The following ANKRD16 variants were observed in gnomAD, a reference collection of about 807,000 sequenced individuals.
The protein encoded by ANKRD16 is ankyrin repeat domain 16, also known as ankyrin repeat domain-containing protein 16.
Under a neutral mutation model 37.9 loss-of-function variants are expected in ANKRD16, and 35 were observed. That is an observed-to-expected ratio of 0.92 (90% confidence interval 0.71 to 1.23). ANKRD16 has a LOEUF of 1.23. Among genes scored for constraint, ANKRD16 ranks in the 50% most tolerant of loss-of-function variants. The pLI, the probability that ANKRD16 is intolerant of heterozygous loss-of-function variation, is 0.00. For synonymous variants in ANKRD16, 206 were observed against 197.2 expected (o/e 1.04, Z -0.37); for missense variants, 480 against 469.9 (o/e 1.02, Z -0.20).
intron 4 of ANKRD16, 63 bp downstream of exon 4, chr10:5,883,906 T>C: frequency 6.9e-7 from 1 of 1,459,800 alleles, no homozygotes; most frequent in African/African-American, 1.4e-5. Context: ...TGTGCTCTGC[T>C]TAACCTGTGA....
chr10:5,880,835 G>A (rs1842287588), intron 5 of ANKRD16, among the ~76,000 whole-genome samples: 1 of 152,170 alleles, frequency 6.6e-6, no homozygotes, highest in African/African-American at 2.4e-5. Flanking sequence ...TTTTGGCAGA[G>A]TGAGTTGGGG....
chr10:5,887,819 T>G (rs547513286), intron 2 of ANKRD16, 28 bp downstream of exon 2: 3 of 1,597,902 alleles, frequency 1.9e-6, no homozygotes, highest in East Asian at 2.3e-5. Context: ...ATGTGTGTAC[T>G]GCTCACCTGC....
intron 2 of ANKRD16, 68 bp from the exon 3 acceptor site, chr10:5,885,833 G>C: frequency 6.6e-7 from 1 of 1,516,244 alleles, no homozygotes. Context: ...CCTGCCTCCT[G>C]GCTTTGCTCT....
In ANKRD16 at chr10:5,862,158, C is replaced by G. The variant is rs1227895157; in HGVS notation, c.*567G>C. 4.7e-6 allele frequency: 1 copy of G among 214,902 alleles called. No homozygotes were observed. Among genetic ancestry groups the G allele is most frequent in the Non-Finnish European group, 9.6e-6 (1 of 104,464 alleles). 13.3% of individuals were successfully genotyped at this position (214,902 alleles called of 1,614,324 possible). A position where few individuals can be genotyped will look rare whatever the true frequency, so the allele number is the denominator to read the frequency against. ...GACCTCATGATCCTCCCGCCTCGGC[C>G]TCCCAAAGTGCTGGGATTACAGGCA... On this transcript the variant is annotated 3_prime_UTR_variant, in exon 8 of 8. Coordinates refer to ENST00000380094, the MANE Select transcript of ANKRD16 (RefSeq NM_019046.3). This position sits in a 1 kb window ranked among gnomAD's most constrained non-coding sequence, Gnocchi z 6.5.
intron 1 of ANKRD16, 63 bp from the exon 2 acceptor site, chr10:5,888,130 G>C: frequency 6.8e-7 from 1 of 1,474,024 alleles, no homozygotes; most frequent in Non-Finnish European, 9.4e-7. Context: ...CCAGGGGCCA[G>C]GTCTTCAAAA....
Position 5,888,082 on chromosome 10 carries a change from G to C in ANKRD16, c.315-15C>G. Reference sequence around the variant, plus strand: ...TCAGAGGAGTCCTAAGGCCAACCAGGAGAAGCTGTCAGATGGAGGCAGCTG... The same window carrying C: ...TCAGAGGAGTCCTAAGGCCAACCAGCAGAAGCTGTCAGATGGAGGCAGCTG... On this transcript the variant is annotated splice_polypyrimidine_tract_variant and intron_variant, in intron 1 of 7. Transcript: ENST00000380094. The C allele has an allele frequency of 6.2e-7, 1 of 1,611,714 alleles. No individual in the cohort carries two copies. Among genetic ancestry groups the C allele is most frequent in the African/African-American group, 1.3e-5 (1 of 74,960 alleles).
chr10:5,868,063 T>C lies in ANKRD16; in HGVS notation c.*34-5372A>G, dbSNP rs1445850396. Among the ~76,000 whole-genome samples the C allele has an allele frequency of 6.6e-6, 1 of 152,150 alleles. No homozygotes were observed. The highest frequency in any genetic ancestry group is 1.9e-4 in the East Asian group (1 of 5,196). ...CAAACTCTTATACCAACCTCTGGAG[T>C]TGGGTGACATGACTTCTCCCCTTTC... On this transcript the variant is annotated intron_variant, in intron 7 of 7. Coordinates refer to ENST00000380094, the MANE Select transcript of ANKRD16 (RefSeq NM_019046.3). This position sits in a 1 kb window ranked among gnomAD's most constrained non-coding sequence, Gnocchi z 4.9.
chr10:5,886,224 G>C (rs1564419823), intron 2 of ANKRD16, among the ~76,000 whole-genome samples: 1 of 152,192 alleles, frequency 6.6e-6, no homozygotes, highest in Non-Finnish European at 1.5e-5. Flanking sequence ...TGTTTCTCCA[G>C]GGGAGAAACT....
intron 7 of ANKRD16, among the ~76,000 whole-genome samples, chr10:5,867,839 T>C (rs1362998979): frequency 6.6e-5 from 10 of 152,202 alleles, no homozygotes; most frequent in Non-Finnish European, 1.5e-5. Flanking sequence ...GTAAGGATAG[T>C]AACTACGATC....
intron 5 of ANKRD16, among the ~76,000 whole-genome samples, chr10:5,880,814 A>C (rs922102983): frequency 1.3e-5 from 2 of 152,182 alleles, no homozygotes; most frequent in Non-Finnish European, 2.9e-5. Context: ...CTTTCAGCTT[A>C]ATTTTTTTTC....
In ANKRD16 at chr10:5,863,254, TG is replaced by T. The variant is rs1554794838; in HGVS notation, c.*34-564del. Among the ~76,000 whole-genome samples, 1 of 151,868 alleles carries T rather than the reference TG, an allele frequency of 6.6e-6. No individual in the cohort carries two copies. Among genetic ancestry groups the T allele is most frequent in the Non-Finnish European group, 1.5e-5 (1 of 67,976 alleles). On this transcript the variant is annotated intron_variant, in intron 7 of 7. Coordinates refer to ENST00000380094, the MANE Select transcript of ANKRD16 (RefSeq NM_019046.3). The surrounding 1 kb of genome is among the most constrained non-coding windows in gnomAD (Gnocchi z 4.7). Reference sequence around the variant, plus strand: ...GTGCCAGAAGAATCAGTCCTCCAGATGGGTGGGCAGCACTGGGCCTGAGGTG... The same window carrying T: ...GTGCCAGAAGAATCAGTCCTCCAGATGGTGGGCAGCACTGGGCCTGAGGTG...
In ANKRD16 at chr10:5,865,605, C is replaced by T. The variant is rs1206946659; in HGVS notation, c.*34-2914G>A. Among the ~76,000 whole-genome samples, 1 of 152,228 alleles carries T rather than the reference C, an allele frequency of 6.6e-6. No homozygotes were observed. Among genetic ancestry groups the T allele is most frequent in the African/African-American group, 2.4e-5 (1 of 41,454 alleles). ...TGTTACCATCCAAGGAATCCTGGGA[C>T]AGCCTATAACCAGGTATTTCTCCCA... On this transcript the variant is annotated intron_variant, in intron 7 of 7. Transcript: ENST00000380094. The surrounding 1 kb of genome is among the most constrained non-coding windows in gnomAD (Gnocchi z 4.7).
In ANKRD16 at chr10:5,889,235, G is replaced by C. The variant is rs375219358; in HGVS notation, c.120C>G (p.Leu40=). ...GGCPGPAGDT[L]LHCAARHGHR... is the part of the protein sequence containing the mutation. ...GCCCGTGGCGCGCGGCGCAGTGCAG[G>C]AGGGTATCCCCGGCCGGCCCCGGGC... Residue 40 remains leucine, a synonymous_variant, in exon 1 of 8, where the codon CTC becomes CTG. Transcript: ENST00000380094. 6.4e-7 allele frequency: 1 copy of C among 1,562,208 alleles called. No individual in the cohort carries two copies. The highest frequency in any genetic ancestry group is 8.6e-7 in the Non-Finnish European group (1 of 1,163,456).
chr10:5,880,542 G>A (rs959766435), intron 5 of ANKRD16, among the ~76,000 whole-genome samples, 166 bp from the exon 6 acceptor site: 1 of 151,976 alleles, frequency 6.6e-6, no homozygotes, highest in Non-Finnish European at 1.5e-5. Flanking sequence ...ATGATTTTGA[G>A]GGCTTCAATA....
chr10:5,873,987 T>C (rs948195096), intron 7 of ANKRD16, among the ~76,000 whole-genome samples: 16 of 151,708 alleles, frequency 1.1e-4, no homozygotes, highest in Admixed American at 7.2e-4. Flanking sequence ...AACTCCCGGG[T>C]TCCAGTGATT....
intron 5 of ANKRD16, among the ~76,000 whole-genome samples, chr10:5,881,439 T>TATAAATAAATAA (rs1491499689): frequency 8.6e-4 from 6 of 6,952 alleles, no homozygotes; most frequent in African/African-American, 2.6e-3. Context: ...AAATATTATT[T>TATAAATAAATAA]ATATATATAT....
chr10:5,883,491 T>C (rs932191348), intron 4 of ANKRD16, among the ~76,000 whole-genome samples: 2 of 152,168 alleles, frequency 1.3e-5, no homozygotes, highest in African/African-American at 4.8e-5. Flanking sequence ...AGATGGGTTT[T>C]AACATGTTGG....
chr10:5,883,099 G>T lies in ANKRD16; in HGVS notation c.756C>A (p.Asp252Glu), dbSNP rs185814926. ...CAGAGACCAAGAATCGGATGGCTTC[G>T]TCCTGCCCTGTGACAGCTGCCCTGT... ...ALHRAAVTGQ[D>E]EAIRFLVSEL... The change falls in exon 5 of 8, where the codon GAC becomes GAA. Residue 252 changes from aspartate to glutamate, a missense_variant. By Grantham distance (45) the Asp-to-Glu change is conservative. Coordinates refer to ENST00000380094, the MANE Select transcript of ANKRD16 (RefSeq NM_019046.3). 6.2e-7 allele frequency: 1 copy of T among 1,614,052 alleles called. No individual in the cohort carries two copies. The highest frequency in any genetic ancestry group is 1.1e-5 in the South Asian group (1 of 91,074).
rs540420833 is a variant in ANKRD16 at position 5,875,820 on chromosome 10, C to T, written c.*33+2277G>A. Among the ~76,000 whole-genome samples, 604 of 151,266 alleles carry T rather than the reference C, an allele frequency of 4.0e-3. 1 individual carries two copies. The highest frequency in any genetic ancestry group is 0.012 in the African/African-American group (514 of 41,198). On this transcript the variant is annotated intron_variant, in intron 7 of 7. Transcript: ENST00000380094. ...CTCTGCCTCCCAGATTCAAGCGATT[C>T]TCCTGCCTTAGCCTCTCAAGTAACT... is the stretch of plus-strand genomic sequence containing the variant.
Sources: allele counts gnomAD v4.1 joint callset (sites outside exome capture counted in the v4.1 genomes callset), GRCh38; gene constraint gnomAD v4.1.1; non-coding constraint Gnocchi (gnomAD v3.1); transcripts MANE v1.5; gene names NCBI Gene and HGNC (gene_info 2026-07-23, HGNC 2026-07-21).